Variants in ZNF331 observed in about 807,000 individuals in gnomAD.
ZNF331 encodes C2H2-like zinc finger protein rearranged in thyroid adenomas.
Under a neutral mutation model 7.0 loss-of-function variants are expected in ZNF331, and 2 were observed. The ratio of observed to expected loss-of-function variants is 0.29; its 90% CI spans 0.12 to 0.90. The LOEUF is 0.90. ZNF331 is among the 40% of genes least tolerant of loss of function. The pLI is 0.58. For missense variants in ZNF331, 432 were observed against 587.7 expected (o/e 0.74, Z 2.74); for synonymous variants, 196 against 205.4 (o/e 0.95, Z 0.39).
chr19:53,505,737 A>C, the ZNF331 span, among the ~76,000 whole-genome samples: 1 of 152,200 alleles, frequency 6.6e-6, no homozygotes, highest in Non-Finnish European at 1.5e-5. Flanking sequence ...CTGTAATCCC[A>C]GCGCTTTGGA....
intron 3 of ZNF331, among the ~76,000 whole-genome samples, chr19:53,564,306 G>C (rs1444716814): frequency 1.3e-5 from 2 of 151,674 alleles, no homozygotes; most frequent in Non-Finnish European, 2.9e-5. Context: ...TTGAGATGGA[G>C]TCTTCCCCTG....
chr19:53,509,203 T>C, the ZNF331 span, among the ~76,000 whole-genome samples: 1 of 152,164 alleles, frequency 6.6e-6, no homozygotes, highest in Non-Finnish European at 1.5e-5. Flanking sequence ...GAGTGTGCCC[T>C]TTCGGTACCC....
chr19:53,557,684 C>T (rs982247281), intron 3 of ZNF331, among the ~76,000 whole-genome samples: 1 of 152,126 alleles, frequency 6.6e-6, no homozygotes, highest in African/African-American at 2.4e-5. Flanking sequence ...GTGACTTGGC[C>T]GGGTGCGGTG....
At chr19:53,574,017 G>A (rs1600502275) in intron 5 of ZNF331, among the ~76,000 whole-genome samples, 1 of 152,186 alleles carries the variant, frequency 6.6e-6, no homozygotes, top group East Asian at 1.9e-4. Flanking sequence ...GAGACTGAGT[G>A]AGGCAGGAGA....
rs1209527222 is a variant in ZNF331, at chr19:53,579,874, A to T, written c.*1922A>T. On this transcript the variant is annotated 3_prime_UTR_variant, in exon 6 of 6. Coordinates refer to ENST00000449416, the MANE Select transcript of ZNF331 (RefSeq NM_001079906.2). ...AGGTACACCTGACAAAGGAACTCTC[A>T]TAGAAAATATAAAGAATCCCTCAAG... 1 of 201,590 alleles carries T rather than the reference A, an allele frequency of 5.0e-6. No individual in the cohort carries two copies. The highest frequency in any genetic ancestry group is 1.0e-5 in the Non-Finnish European group (1 of 98,100). 12.5% of individuals were successfully genotyped at this position (201,590 alleles called of 1,614,324 possible).
intron 2 of ZNF331, among the ~76,000 whole-genome samples, chr19:53,540,494 A>G (rs2147321485): frequency 6.6e-6 from 1 of 151,330 alleles, no homozygotes; most frequent in Admixed American, 6.6e-5. Context: ...GCGCAGTGGC[A>G]CAATCTTGGC....
chr19:53,577,479 G>A lies in ZNF331; in HGVS notation c.919G>A (p.Ala307Thr). 6.2e-7 allele frequency: 1 copy of A among 1,614,092 alleles called. No individual in the cohort carries two copies. The highest frequency in any genetic ancestry group is 1.1e-5 in the South Asian group (1 of 91,084). The change falls in exon 6 of 6, where the codon GCC becomes ACC. Residue 307 changes from alanine to threonine, a missense_variant. Physicochemically the swap from Ala to Thr is moderately conservative, Grantham distance 58. Around this residue, in one of 3 missense-constraint regions of ZNF331, gnomAD observed 312 missense variants for 448.6 expected, o/e 0.70. Coordinates refer to ENST00000449416, the MANE Select transcript of ZNF331 (RefSeq NM_001079906.2). ...CTATGAATGTCAAGAATGTGGGAAG[G>A]CCTTTACTCGAGTCAATTACCTTAC... is the stretch of plus-strand genomic sequence containing the variant. ...KPYECQECGK[A>T]FTRVNYLTQH...
At chr19:53,505,159 CTT>C in the ZNF331 span, among the ~76,000 whole-genome samples, 1 of 151,982 alleles carries the variant, frequency 6.6e-6, no homozygotes, top group Non-Finnish European at 1.5e-5. Flanking sequence ...AGGGAGCAGT[CTT>C]TTTTTTCTGT....
intron 3 of ZNF331, among the ~76,000 whole-genome samples, chr19:53,566,406 C>T (rs1165355445): frequency 6.6e-6 from 1 of 152,092 alleles, no homozygotes; most frequent in Non-Finnish European, 1.5e-5. Flanking sequence ...GATTCTCCTG[C>T]CTCAGCCTCC....
the ZNF331 span, among the ~76,000 whole-genome samples, chr19:53,514,085 T>C: frequency 2.6e-5 from 4 of 152,226 alleles, no homozygotes; most frequent in African/African-American, 7.2e-5. Context: ...CAGCTCCCTC[T>C]TGAACACCTG....
chr19:53,542,787 C>T (rs1253304475), intron 2 of ZNF331, among the ~76,000 whole-genome samples: 1 of 152,164 alleles, frequency 6.6e-6, no homozygotes, highest in African/African-American at 2.4e-5. Flanking sequence ...ATATTGATTA[C>T]GCAGACAGCG....
chr19:53,566,478 A>G (rs1298178992), intron 3 of ZNF331, among the ~76,000 whole-genome samples: 1 of 152,128 alleles, frequency 6.6e-6, no homozygotes, highest in Non-Finnish European at 1.5e-5. Flanking sequence ...TGGTAGTGCA[A>G]GGTTTTGATC....
chr19:53,508,334 G>T, the ZNF331 span, among the ~76,000 whole-genome samples: 1 of 152,064 alleles, frequency 6.6e-6, no homozygotes, highest in Non-Finnish European at 1.5e-5. Context: ...GACTCCAGCC[G>T]CACCACGTGA....
intron 3 of ZNF331, among the ~76,000 whole-genome samples, chr19:53,557,496 A>G (rs1361705793): frequency 6.6e-6 from 1 of 152,160 alleles, no homozygotes; most frequent in Non-Finnish European, 1.5e-5. Flanking sequence ...ACGTCTTAAT[A>G]CCATCACATT....
At chr19:53,540,495 C>T (rs756258676) in intron 2 of ZNF331, among the ~76,000 whole-genome samples, 9 of 152,054 alleles carry the variant, frequency 5.9e-5, no homozygotes, top group Admixed American at 2.0e-4. Context: ...CGCAGTGGCA[C>T]AATCTTGGCT....
chr19:53,565,612 C>T (rs545568740), intron 3 of ZNF331, among the ~76,000 whole-genome samples: 70 of 152,112 alleles, frequency 4.6e-4, no homozygotes, highest in African/African-American at 1.6e-3. Flanking sequence ...CTGGAAACTC[C>T]ACCTCCTGGG....
chr19:53,568,847 C>G (rs964715597), intron 3 of ZNF331, among the ~76,000 whole-genome samples: 3 of 123,296 alleles, frequency 2.4e-5, no homozygotes, highest in African/African-American at 9.8e-5. Context: ...ATCCATGATA[C>G]TCTTTTTTTT....
intron 3 of ZNF331, among the ~76,000 whole-genome samples, chr19:53,562,243 G>A (rs371063820): frequency 9.9e-5 from 15 of 152,090 alleles, no homozygotes; most frequent in African/African-American, 2.9e-4. Context: ...TAATCATCAG[G>A]TGCCTTACAA....
At chr19:53,574,116 A>AAAAAAT (rs58090452) in intron 5 of ZNF331, among the ~76,000 whole-genome samples, 15,646 of 152,066 alleles carry the variant, frequency 0.1, 1,189 homozygotes, top group African/African-American at 0.22. Flanking sequence ...ACTCCCTCTC[A>AAAAAAT]AAAAATAAAA....
Sources: gnomAD v4.1 joint callset for allele counts (sites outside exome capture counted in the v4.1 genomes callset) on GRCh38, gnomAD v4.1.1 for gene constraint, gnomAD v4.1.1 regional missense constraint, MANE v1.5 for transcripts, NCBI Gene and HGNC (gene_info 2026-07-23, HGNC 2026-07-21) for gene names.